The following OR51B5 variants were observed in gnomAD, a reference collection of about 807,000 sequenced individuals.
The protein encoded by OR51B5 is olfactory receptor 51B5.
For missense variants in OR51B5, 456 were observed against 374.6 expected (o/e 1.22, Z -1.79); for synonymous variants, 186 against 144.8 (o/e 1.28, Z -2.04).
intron 1 of OR51B5, chr11:5,423,056 C>T (rs1850380527): frequency 2.5e-6 from 4 of 1,614,048 alleles, no homozygotes; most frequent in South Asian, 2.2e-5. Context: ...CCTGCTGGCA[C>T]CCCCGGTGAT....
At chr11:5,480,698 T>C (rs1376977719) in intron 1 of OR51B5, among the ~76,000 whole-genome samples, 4 of 150,896 alleles carry the variant, frequency 2.7e-5, no homozygotes, top group African/African-American at 4.9e-5. Context: ...CCCACAGAAA[T>C]ACAAACTACC....
At chr11:5,393,998 T>TATCTA (rs1173871170) in intron 1 of OR51B5, among the ~76,000 whole-genome samples, 2 of 152,214 alleles carry the variant, frequency 1.3e-5, no homozygotes, top group African/African-American at 4.8e-5. Context: ...TAGAATATGT[T>TATCTA]ATCTATTTTT....
chr11:5,418,791 T>C (rs1003862197), intron 1 of OR51B5, among the ~76,000 whole-genome samples: 1 of 149,826 alleles, frequency 6.7e-6, no homozygotes, highest in South Asian at 2.1e-4. Context: ...GACGGGTTGA[T>C]AGATGCAGCA....
At chr11:5,378,245 A>C (rs1365317321) in intron 1 of OR51B5, among the ~76,000 whole-genome samples, 2 of 152,094 alleles carry the variant, frequency 1.3e-5, no homozygotes, top group Non-Finnish European at 2.9e-5. Context: ...TGCTGGGAGA[A>C]CTGGCTAGCC....
At chr11:5,372,048 T>A (rs985563107) in intron 1 of OR51B5, among the ~76,000 whole-genome samples, 2 of 152,162 alleles carry the variant, frequency 1.3e-5, no homozygotes, top group Admixed American at 6.5e-5. Context: ...ACTCTAGGTT[T>A]ATACATTCCC....
At chr11:5,426,974 T>C (rs1348081088) in intron 1 of OR51B5, among the ~76,000 whole-genome samples, 4 of 149,930 alleles carry the variant, frequency 2.7e-5, no homozygotes, top group African/African-American at 4.8e-5. Context: ...TGGGAGACAT[T>C]ATCTGCACGA....
At chr11:5,477,863 G>A (rs1485535423) in intron 1 of OR51B5, among the ~76,000 whole-genome samples, 14 of 152,084 alleles carry the variant, frequency 9.2e-5, no homozygotes, top group South Asian at 2.1e-4. Flanking sequence ...AGGGTCCTAC[G>A]CCCACGGAGT....
At chr11:5,365,613 C>G (rs142057437) in intron 1 of OR51B5, among the ~76,000 whole-genome samples, 98 of 152,280 alleles carry the variant, frequency 6.4e-4, no homozygotes, top group African/African-American at 2.3e-3. Flanking sequence ...CATGACAGGG[C>G]TCTTGGTGTG....
At chr11:5,457,929 T>G (rs184548399) in intron 1 of OR51B5, among the ~76,000 whole-genome samples, 3 of 152,192 alleles carry the variant, frequency 2.0e-5, no homozygotes, top group Non-Finnish European at 4.4e-5. Context: ...TTCAGTCTAT[T>G]GATAGCTTCT....
chr11:5,496,795 C>T (rs958797326), intron 1 of OR51B5, among the ~76,000 whole-genome samples: 9 of 152,212 alleles, frequency 5.9e-5, no homozygotes, highest in African/African-American at 2.2e-4. Context: ...AGCCAGTAGG[C>T]TGCAGTAGAC....
chr11:5,502,588 G>A (rs547924073), intron 1 of OR51B5, among the ~76,000 whole-genome samples: 34 of 152,266 alleles, frequency 2.2e-4, no homozygotes, highest in African/African-American at 7.9e-4. Context: ...ATAATCATTT[G>A]TGTAATAGAA....
At chr11:5,503,325 A>G (rs1165403455) in intron 1 of OR51B5, among the ~76,000 whole-genome samples, 1 of 152,238 alleles carries the variant, frequency 6.6e-6, no homozygotes, top group African/African-American at 2.4e-5. Flanking sequence ...CCCAGAAAAT[A>G]TAATGAAAAA....
intron 1 of OR51B5, among the ~76,000 whole-genome samples, chr11:5,478,990 A>T (rs4910804): frequency 8.6e-5 from 13 of 151,788 alleles, no homozygotes; most frequent in African/African-American, 2.2e-4. Context: ...GTCAACGTTC[A>T]GATTCAGGAA....
intron 1 of OR51B5, among the ~76,000 whole-genome samples, chr11:5,466,540 G>A (rs930495497): frequency 1.3e-5 from 2 of 152,160 alleles, no homozygotes; most frequent in African/African-American, 4.8e-5. Context: ...CAAAAAGGAG[G>A]GAGATTGCTA....
intron 1 of OR51B5, among the ~76,000 whole-genome samples, chr11:5,458,858 G>C (rs1436052304): frequency 1.3e-5 from 2 of 152,160 alleles, no homozygotes; most frequent in African/African-American, 4.8e-5. Context: ...TATAGGCAAA[G>C]ACTATGGGAT....
chr11:5,413,071 A>T (rs1237868326), intron 1 of OR51B5, among the ~76,000 whole-genome samples: 1 of 152,004 alleles, frequency 6.6e-6, no homozygotes, highest in Non-Finnish European at 1.5e-5. Context: ...ACGGCCTGAT[A>T]CTCCTCTGAG....
chr11:5,485,551 A>G (rs1297381652), intron 1 of OR51B5, among the ~76,000 whole-genome samples: 1 of 152,154 alleles, frequency 6.6e-6, no homozygotes, highest in Non-Finnish European at 1.5e-5. Flanking sequence ...AGTGAAAGTC[A>G]AAGTCCCTTC....
intron 1 of OR51B5, chr11:5,389,266 A>T (rs1849751183): frequency 2.3e-6 from 2 of 872,148 alleles, no homozygotes. Context: ...GATTGGCAGA[A>T]TTCATAAGGG....
At chr11:5,471,891 C>T (rs1295790587) in intron 1 of OR51B5, among the ~76,000 whole-genome samples, 1 of 152,206 alleles carries the variant, frequency 6.6e-6, no homozygotes, top group African/African-American at 2.4e-5. Flanking sequence ...TATTCAGACT[C>T]CCGGCACAAG....
Sources: allele counts gnomAD v4.1 joint callset (sites outside exome capture counted in the v4.1 genomes callset), GRCh38; gene constraint gnomAD v4.1.1; transcripts MANE v1.5; gene names NCBI Gene and HGNC (gene_info 2026-07-23, HGNC 2026-07-21).